Variants in GSE1 observed in about 807,000 individuals in gnomAD.
GSE1 encodes genetic suppressor element 1.
GSE1 carries 32 observed loss-of-function variants against 112.6 expected under a neutral mutation model. That is an observed-to-expected ratio of 0.28 (90% CI 0.21 to 0.38). The LOEUF is 0.38. GSE1 is among the 10% of genes least tolerant of loss of function. GSE1 has a pLI of 1.00. For synonymous variants in GSE1, 1,115 were observed against 735.6 expected, an observed-to-expected ratio of 1.52 and a Z score of -8.35; for missense variants, 2,348 against 1,699.2, an observed-to-expected ratio of 1.38 and a Z score of -6.71.
rs1349949980 is a variant in GSE1, at chr16:85,589,602, AGTGT to A, written c.37+33248_37+33251del. 4.0e-5 allele frequency among the ~76,000 whole-genome samples: 6 copies of A among 151,866 alleles called. No homozygotes were observed. The East Asian group carries it at 5.8e-4, about 15-fold the overall frequency. ...CATCGTGCCTGAGCATGTGTGACCC[AGTGT>A]GTGTGTGTATGCGCATATGTGTGAA... On this transcript the variant is annotated intron_variant, in intron 1 of 2. Transcript: ENST00000635906.
At chr16:85,170,792 C>T (rs185885165) in exon 1 of GSE1, 126 of 985,442 alleles carry the variant, frequency 1.3e-4, no homozygotes, top group Non-Finnish European at 1.5e-4. Flanking sequence ...TTGGTGTGCG[C>T]CAGCTGCTTC....
At chr16:85,297,546 CT>C (rs1338290326) in intron 1 of GSE1, among the ~76,000 whole-genome samples, 4 of 152,134 alleles carry the variant, frequency 2.6e-5, no homozygotes, top group Non-Finnish European at 5.9e-5. Context: ...GTCACTCAGA[CT>C]GGAGTGCAGT....
intron 2 of GSE1, among the ~76,000 whole-genome samples, chr16:85,486,932 C>T (rs965225735): frequency 5.9e-5 from 9 of 152,156 alleles, no homozygotes; most frequent in Non-Finnish European, 1.3e-4. Flanking sequence ...TAGTTTTTTA[C>T]TGATGAGTGG....
chr16:85,409,676 C>T (rs1248845495), intron 2 of GSE1, among the ~76,000 whole-genome samples: 9 of 7,802 alleles, frequency 1.2e-3, no homozygotes, highest in African/African-American at 1.4e-3. Flanking sequence ...ACTCAGGGCC[C>T]CCCGGATAAT....
intron 2 of GSE1, among the ~76,000 whole-genome samples, chr16:85,433,915 T>C (rs1362409848): frequency 6.6e-6 from 1 of 152,052 alleles, no homozygotes; most frequent in East Asian, 1.9e-4. Flanking sequence ...GATGGAAGGA[T>C]GGAAATCTCT....
chr16:85,364,831 G>A (rs993097148), intron 2 of GSE1, among the ~76,000 whole-genome samples: 4 of 152,278 alleles, frequency 2.6e-5, no homozygotes, highest in African/African-American at 9.6e-5. Context: ...AGAAGGGGCC[G>A]AGCCCTGCCA....
chr16:85,170,518 G>A (rs1342345301), exon 1 of GSE1: 2 of 985,806 alleles, frequency 2.0e-6, no homozygotes, highest in Non-Finnish European at 2.4e-6. Flanking sequence ...TGGGGAAGAG[G>A]ACCACAAGGA....
At chr16:85,406,127 G>A (rs367929800) in intron 2 of GSE1, among the ~76,000 whole-genome samples, 55 of 60 alleles carry the variant, frequency 0.92, 27 homozygotes, top group African/African-American at 0.92. Context: ...GATAATCCTC[G>A]CTGTTACACT....
chr16:85,321,788 G>A (rs2151499959), intron 1 of GSE1, among the ~76,000 whole-genome samples: 1 of 147,388 alleles, frequency 6.8e-6, no homozygotes, highest in East Asian at 2.0e-4. Flanking sequence ...GTGAGAGCCT[G>A]TCTTAAAAAA....
chr16:85,633,415 T>C (rs922805056), intron 1 of GSE1, among the ~76,000 whole-genome samples: 4 of 152,226 alleles, frequency 2.6e-5, no homozygotes, highest in African/African-American at 9.6e-5. Flanking sequence ...CTGAGGGCAT[T>C]GCCATGCGTG....
intron 1 of GSE1, among the ~76,000 whole-genome samples, chr16:85,625,265 G>C (rs1276031804): frequency 5.3e-5 from 8 of 152,210 alleles, no homozygotes; most frequent in Admixed American, 5.2e-4. Context: ...GGATAATCGC[G>C]TCAAATGTTG....
chr16:85,505,136 G>A (rs965510650), intron 2 of GSE1, among the ~76,000 whole-genome samples: 2 of 152,184 alleles, frequency 1.3e-5, no homozygotes, highest in Non-Finnish European at 2.9e-5. Context: ...GCCCTGTCGT[G>A]TGCCTAGGGA....
chr16:85,429,076 C>T (rs1040421659), intron 2 of GSE1, among the ~76,000 whole-genome samples: 4 of 152,234 alleles, frequency 2.6e-5, no homozygotes, highest in African/African-American at 9.6e-5. Flanking sequence ...AGCCTCCGCA[C>T]GCTGCATCAC....
At chr16:85,435,118 A>G (rs968375877) in intron 2 of GSE1, among the ~76,000 whole-genome samples, 1 of 152,058 alleles carries the variant, frequency 6.6e-6, no homozygotes, top group African/African-American at 2.4e-5. Context: ...CTCCAGCCCC[A>G]TAGCCCCGAT....
At chr16:85,436,811 G>A (rs1477517986) in intron 2 of GSE1, among the ~76,000 whole-genome samples, 1 of 152,224 alleles carries the variant, frequency 6.6e-6, no homozygotes, top group Non-Finnish European at 1.5e-5. Flanking sequence ...CCAGGCTGCC[G>A]GGCTGGTGGT....
rs558313859 is a variant in GSE1, at chr16:85,546,098, T to C, written c.2465-87816T>C. 2.8e-5 allele frequency among the ~76,000 whole-genome samples: 4 copies of C among 144,220 alleles called. No individual in the cohort carries two copies. The South Asian group carries it at 6.6e-4, about 24-fold the overall frequency. 94.6% of individuals were successfully genotyped at this position (144,220 alleles called of 152,430 possible). The stretch of plus-strand genomic sequence containing the variant: ...CCGCGCCCAGCCATTAGTTTTTTAT[T>C]TTTCTTGAGACAGTCTAGCTCTGTT... On this transcript the variant is annotated intron_variant, in intron 2 of 2. Transcript: ENST00000637419.
intron 2 of GSE1, among the ~76,000 whole-genome samples, chr16:85,465,668 A>G (rs2050103348): frequency 6.6e-6 from 1 of 152,082 alleles, no homozygotes; most frequent in Non-Finnish European, 1.5e-5. Flanking sequence ...CCACCCAGCC[A>G]TAAGTCATCT....
At chr16:85,403,952 C>A (rs1332012789) in intron 2 of GSE1, among the ~76,000 whole-genome samples, 2 of 152,180 alleles carry the variant, frequency 1.3e-5, no homozygotes, top group African/African-American at 4.8e-5. Context: ...CTCTGGCTTC[C>A]AGGGCTTGTG....
At chr16:85,260,519 C>T (rs1480979484) in intron 1 of GSE1, among the ~76,000 whole-genome samples, 1 of 152,016 alleles carries the variant, frequency 6.6e-6, no homozygotes, top group African/African-American at 2.4e-5. Flanking sequence ...GACGGGGCTT[C>T]ACTATGTTGG....
Sources: allele counts gnomAD v4.1 joint callset (sites outside exome capture counted in the v4.1 genomes callset), GRCh38; gene constraint gnomAD v4.1.1; transcripts MANE v1.5; gene names NCBI Gene and HGNC (gene_info 2026-07-23, HGNC 2026-07-21).